IMMP2L: variants seen among roughly 807,000 people sequenced by gnomAD.
IMMP2L encodes the protein mitochondrial inner membrane protease subunit 2.
A neutral mutation model predicts 19.3 loss-of-function variants in IMMP2L; 18 were observed. The ratio of observed to expected loss-of-function variants is 0.93; its 90% CI spans 0.64 to 1.38. IMMP2L has a LOEUF of 1.38. Among genes scored for constraint, IMMP2L ranks in the 40% most tolerant of loss-of-function variants. The probability of loss-of-function intolerance (pLI) is 0.00; values close to 1 mark genes in which losing one functional copy is unlikely to be tolerated. For synonymous variants in IMMP2L, 76 were observed against 73.0 expected, an observed-to-expected ratio of 1.04 and a Z score of -0.21; for missense variants, 233 against 218.2, an observed-to-expected ratio of 1.07 and a Z score of -0.43.
intron 2 of IMMP2L, among the ~76,000 whole-genome samples, chr7:111,490,924 C>G (rs1196388434): frequency 6.6e-6 from 1 of 151,990 alleles, no homozygotes; most frequent in East Asian, 1.9e-4. Context: ...CTGCGTGGGT[C>G]CAACAATACA....
At chr7:111,153,099 T>G (rs1006028206) in intron 3 of IMMP2L, among the ~76,000 whole-genome samples, 1 of 152,078 alleles carries the variant, frequency 6.6e-6, no homozygotes, top group Non-Finnish European at 1.5e-5. Context: ...GAAGCATATA[T>G]CTCTAAAATA....
chr7:111,368,032 A>T (rs370764247), intron 3 of IMMP2L, among the ~76,000 whole-genome samples: 2 of 151,872 alleles, frequency 1.3e-5, no homozygotes, highest in African/African-American at 2.4e-5. Context: ...GCCACCAGAG[A>T]CAAAAGGATA....
intron 3 of IMMP2L, among the ~76,000 whole-genome samples, chr7:111,195,123 G>C (rs1809330407): frequency 6.6e-6 from 1 of 152,054 alleles, no homozygotes; most frequent in Non-Finnish European, 1.5e-5. Flanking sequence ...GTATATGAAA[G>C]AGGCAGGAAG....
At chr7:110,778,930 T>C (rs938243429) in intron 5 of IMMP2L, among the ~76,000 whole-genome samples, 16 of 152,126 alleles carry the variant, frequency 1.1e-4, no homozygotes, top group Admixed American at 4.6e-4. Flanking sequence ...GTTAAAATGA[T>C]TGAACATCCA....
chr7:111,468,669 C>G (rs1332134755), intron 3 of IMMP2L, among the ~76,000 whole-genome samples: 2 of 152,040 alleles, frequency 1.3e-5, no homozygotes, highest in Non-Finnish European at 2.9e-5. Flanking sequence ...AATCTGCTAG[C>G]AATGTGGAAA....
At chr7:110,895,187 C>G (rs989855314) in intron 4 of IMMP2L, among the ~76,000 whole-genome samples, 4 of 152,248 alleles carry the variant, frequency 2.6e-5, no homozygotes, top group Non-Finnish European at 5.9e-5. Context: ...TTAAAACCAT[C>G]AGATCTCATG....
chr7:111,230,198 G>T (rs978513495), intron 3 of IMMP2L, among the ~76,000 whole-genome samples: 10 of 152,002 alleles, frequency 6.6e-5, no homozygotes, highest in Admixed American at 5.9e-4. Flanking sequence ...CATGAAAATG[G>T]GGAAGTTAGT....
rs959468700 is a variant in IMMP2L, at chr7:111,251,670, A to T, written c.239+235568T>A. ...AGAAAACCAAACACCACGTGTTCTTATTTATAAATGGGAGCTGAATGATGA... is the reference window on the plus strand; with the variant it reads ...AGAAAACCAAACACCACGTGTTCTTTTTTATAAATGGGAGCTGAATGATGA... On this transcript the variant is annotated intron_variant, in intron 3 of 5. Transcript: ENST00000405709. Among the ~76,000 whole-genome samples, 3 of 152,162 alleles carry T rather than the reference A, an allele frequency of 2.0e-5. No homozygotes were observed. The South Asian group carries it at 6.2e-4, about 32-fold the overall frequency.
intron 3 of IMMP2L, among the ~76,000 whole-genome samples, chr7:111,378,063 G>A (rs1053866114): frequency 2.6e-5 from 4 of 151,582 alleles, no homozygotes; most frequent in Non-Finnish European, 5.9e-5. Context: ...GCTGAAGATC[G>A]TGTTTTTTAA....
rs1563331443 is a variant in IMMP2L, at chr7:111,539,254, GAAAGAAAGAAAGAAAGA to G, written c.-2-17822_-2-17806del. Among the ~76,000 whole-genome samples the G allele has an allele frequency of 1.1e-3, 161 of 145,174 alleles. 1 individual carries two copies. The highest frequency in any genetic ancestry group is 1.1e-3 in the Admixed American group (16 of 14,500). On this transcript the variant is annotated intron_variant, in intron 1 of 5. Transcript: ENST00000405709. ...AGAAAGAAAGAAAGAAAGAAAGAAAGAAAGAAAGAAAGAAAGAGAACATACGTCGATTACTACATATA... is the reference window on the plus strand; with the variant it reads ...AGAAAGAAAGAAAGAAAGAAAGAAAGGAACATACGTCGATTACTACATATA...
chr7:110,933,766 T>A (rs996738890), intron 4 of IMMP2L, among the ~76,000 whole-genome samples: 3 of 152,154 alleles, frequency 2.0e-5, no homozygotes, highest in Non-Finnish European at 4.4e-5. Flanking sequence ...AAGGAGAAAG[T>A]ACAGATTTTC....
intron 3 of IMMP2L, among the ~76,000 whole-genome samples, chr7:111,360,592 A>G (rs1353484225): frequency 6.6e-6 from 1 of 152,118 alleles, no homozygotes; most frequent in Non-Finnish European, 1.5e-5. Flanking sequence ...CTGAGGTAGA[A>G]GGATTGCTTG....
intron 3 of IMMP2L, among the ~76,000 whole-genome samples, chr7:111,482,881 T>C (rs1842314282): frequency 1.3e-5 from 2 of 152,060 alleles, no homozygotes; most frequent in South Asian, 2.1e-4. Context: ...AACTGGACAG[T>C]ACCCTTCAAA....
At chr7:110,737,763 G>T (rs186150868) in intron 5 of IMMP2L, among the ~76,000 whole-genome samples, 1 of 152,144 alleles carries the variant, frequency 6.6e-6, no homozygotes, top group South Asian at 2.1e-4. Flanking sequence ...AAAAACCAGC[G>T]CACTAAACAA....
At chr7:110,919,238 T>C (rs1406217028) in intron 4 of IMMP2L, among the ~76,000 whole-genome samples, 1 of 152,190 alleles carries the variant, frequency 6.6e-6, no homozygotes, top group Admixed American at 6.5e-5. Context: ...AATGACAAGC[T>C]GAATCCTGGT....
In IMMP2L at chr7:111,212,543, G is replaced by A. The variant is rs888316552; in HGVS notation, c.240-248978C>T. Among the ~76,000 whole-genome samples, 5 of 151,942 alleles carry A rather than the reference G, an allele frequency of 3.3e-5. No homozygotes were observed. In the East Asian group the frequency reaches 5.8e-4, roughly 18 times the overall value. On this transcript the variant is annotated intron_variant, in intron 3 of 5. Transcript: ENST00000405709. ...ACAGAATCACTTAGGCCAGGGAGGCGGAGGCTGCAGTGAGCTGAGATCACA... is the reference window on the plus strand; with the variant it reads ...ACAGAATCACTTAGGCCAGGGAGGCAGAGGCTGCAGTGAGCTGAGATCACA...
intron 4 of IMMP2L, among the ~76,000 whole-genome samples, chr7:110,916,201 A>G (rs1310007655): frequency 6.6e-6 from 1 of 152,210 alleles, no homozygotes; most frequent in Non-Finnish European, 1.5e-5. Flanking sequence ...AGTCACTGTG[A>G]TGATATTGGT....
In IMMP2L at chr7:110,989,961, G is replaced by T. The variant is rs532607442; in HGVS notation, c.240-26396C>A. Among the ~76,000 whole-genome samples the T allele has an allele frequency of 2.0e-5, 3 of 152,078 alleles. No homozygotes were observed. In the East Asian group the frequency reaches 5.8e-4, roughly 29 times the overall value. Reference sequence around the variant, plus strand: ...TGTAAACAAAAACCGATGCTATTTTGTCCCACCAATTCTCTGTTGATTGAT... The same window carrying T: ...TGTAAACAAAAACCGATGCTATTTTTTCCCACCAATTCTCTGTTGATTGAT... On this transcript the variant is annotated intron_variant, in intron 3 of 5. Transcript: ENST00000405709.
chr7:110,681,908 A>T (rs186596474), intron 5 of IMMP2L, among the ~76,000 whole-genome samples: 284 of 152,290 alleles, frequency 1.9e-3, no homozygotes, highest in Non-Finnish European at 2.9e-3. Context: ...GAAGAAAAAA[A>T]AATGGCAAGA....
Sources: gnomAD v4.1 joint callset for allele counts (sites outside exome capture counted in the v4.1 genomes callset) on GRCh38, gnomAD v4.1.1 for gene constraint, MANE v1.5 for transcripts, NCBI Gene and HGNC (gene_info 2026-07-23, HGNC 2026-07-21) for gene names.